DIRAS1: variants seen among roughly 807,000 people sequenced by gnomAD.
DIRAS1 encodes the protein DIRAS family GTPase 1.
Under a neutral mutation model 11.5 loss-of-function variants are expected in DIRAS1, and 3 were observed. The ratio of observed to expected loss-of-function variants is 0.26; its 90% CI spans 0.12 to 0.67. The LOEUF (loss-of-function observed/expected upper bound fraction) is 0.67. DIRAS1 is among the 30% of genes least tolerant of loss of function. The pLI is 0.80. For synonymous variants in DIRAS1, 128 were observed against 125.8 expected (o/e 1.02, Z -0.12); for missense variants, 212 against 285.3 (o/e 0.74, Z 1.85).
chr19:2,720,256 A>G (rs1913923382), intron 1 of DIRAS1, among the ~76,000 whole-genome samples: 1 of 152,072 alleles, frequency 6.6e-6, no homozygotes, highest in Non-Finnish European at 1.5e-5. Context: ...CCTAATGGCC[A>G]TGGGTTCTGT....
In DIRAS1 at chr19:2,717,282, G is replaced by C. The variant is rs769416277; in HGVS notation, c.525C>G (p.Leu175=). The C allele has an allele frequency of 1.9e-5, 31 of 1,612,196 alleles. No homozygotes were observed. In the South Asian group the frequency reaches 2.7e-4, roughly 14 times the overall value. Residue 175 remains leucine (L), a synonymous_variant, in exon 2 of 2, where the codon CTC becomes CTG. Coordinates refer to ENST00000323469, the MANE Select transcript of DIRAS1 (RefSeq NM_145173.4). ...TCCCGGAGCGCTTGCCGTCGATGTTGAGGCTCATGTTCCGGCGCGTCTCCA... is the reference window on the plus strand; with the variant it reads ...TCCCGGAGCGCTTGCCGTCGATGTTCAGGCTCATGTTCCGGCGCGTCTCCA... ...LTLETRRNMS[L]NIDGKRSGKQ...
At chr19:2,719,627 G>T (rs1358039426) in intron 1 of DIRAS1, among the ~76,000 whole-genome samples, 2 of 151,846 alleles carry the variant, frequency 1.3e-5, no homozygotes, top group African/African-American at 4.8e-5. Context: ...GTGGTCTACA[G>T]TGGGAGAGGA....
chr19:2,719,246 C>G (rs1913897797), intron 1 of DIRAS1: 1 of 152,190 alleles, frequency 6.6e-6, no homozygotes, highest in Admixed American at 6.5e-5. Context: ...GAGGAAGGGT[C>G]TTGCAGCCCA....
At position 2,717,801 on chromosome 19, in the gene DIRAS1, C is replaced by A. The variant is rs754920219; in HGVS notation, c.6G>T (p.Pro2=). 1.9e-6 allele frequency: 3 copies of A among 1,591,854 alleles called. No individual in the cohort carries two copies. The South Asian group carries it at 3.3e-5, about 18-fold the overall frequency. ...CCACGCGGTAATCGTTACTCTGTTCCGGCATCTTCCCCGCGGCGGGTGGGC... is the reference window on the plus strand; with the variant it reads ...CCACGCGGTAATCGTTACTCTGTTCAGGCATCTTCCCCGCGGCGGGTGGGC... M[P]EQSNDYRVVV... Residue 2 remains proline, a synonymous_variant, in exon 2 of 2, where the codon CCG becomes CCT. Transcript: ENST00000323469.
chr19:2,717,898 C>T (rs189208484), intron 1 of DIRAS1, 23 bp from the exon 2 acceptor site: 9 of 1,318,596 alleles, frequency 6.8e-6, no homozygotes, highest in East Asian at 5.0e-5. Flanking sequence ...GAGGGTCACA[C>T]GTCAAAGGCC....
rs2144682128 is a variant in DIRAS1 at position 2,718,616 on chromosome 19, C to G, written c.-69-741G>C. On this transcript the variant is annotated intron_variant, in intron 1 of 1. Transcript: ENST00000323469. The surrounding 1 kb of genome is among the most constrained non-coding windows in gnomAD (Gnocchi z 4.2). ...TCTTGGCTCGCCGCAACCTCCACCT[C>G]CCGGGTTCAAGCTATTCTCTTGCCT... Among the ~76,000 whole-genome samples the G allele has an allele frequency of 6.6e-6, 1 of 152,348 alleles. No homozygotes were observed. The highest frequency in any genetic ancestry group is 2.4e-5 in the African/African-American group (1 of 41,574).
At position 2,717,689 on chromosome 19, in the gene DIRAS1, T is replaced by C. The variant is rs1913856113; in HGVS notation, c.118A>G (p.Ile40Val). Reference protein sequence around the residue: ...GTFRDTYIPTIEDTYRQVISC... With the variant: ...GTFRDTYIPTVEDTYRQVISC... The stretch of plus-strand genomic sequence containing the variant: ...ATCACCTGCCGGTAGGTGTCCTCGA[T>C]GGTGGGGATGTAGGTGTCGCGGAAC... Residue 40 changes from isoleucine to valine, a missense_variant, in exon 2 of 2, where the codon ATC becomes GTC. Transcript: ENST00000323469. The C allele has an allele frequency of 6.2e-7, 1 of 1,611,822 alleles. No homozygotes were observed. The highest frequency in any genetic ancestry group is 1.7e-5 in the Admixed American group (1 of 60,006).
Position 2,717,940 on chromosome 19 carries a change from G to A in DIRAS1, c.-69-65C>T, listed in dbSNP as rs1599476756. 1.7e-5 allele frequency: 16 copies of A among 924,494 alleles called. No homozygotes were observed. In the South Asian group the frequency reaches 2.1e-4, roughly 12 times the overall value. 57.3% of individuals were successfully genotyped at this position (924,494 alleles called of 1,614,324 possible). ...GCTTGAGGGGACAGCCCCACGCCCC[G>A]GGGAGGGAGGAGGACATGGCGGCTT... On this transcript the variant is annotated intron_variant, in intron 1 of 1. Coordinates refer to ENST00000323469, the MANE Select transcript of DIRAS1 (RefSeq NM_145173.4).
rs1913771613 is a variant in DIRAS1 at position 2,715,667 on chromosome 19, G to T, written c.*1543C>A. 1 of 152,202 alleles carries T rather than the reference G, an allele frequency of 6.6e-6. No individual in the cohort carries two copies. Among genetic ancestry groups the T allele is most frequent in the African/African-American group, 2.4e-5 (1 of 41,438 alleles). The allele number at this position is 152,202 out of a possible 1,614,324, so 9.4% of individuals were successfully genotyped here. A position where few individuals can be genotyped will look rare whatever the true frequency, so the allele number is the denominator to read the frequency against. ...AGATAATAAGCATGTGTTGTTTCTG[G>T]TTGCTACATTTGTGGTCATTTGTTA... On this transcript the variant is annotated 3_prime_UTR_variant, in exon 2 of 2. Transcript: ENST00000323469.
intron 1 of DIRAS1, among the ~76,000 whole-genome samples, chr19:2,719,928 A>C (rs1334808614): frequency 6.6e-6 from 1 of 152,164 alleles, no homozygotes; most frequent in Non-Finnish European, 1.5e-5. Context: ...GTTGGTTGCA[A>C]AGGCACCTTC....
At chr19:2,720,071 C>CT (rs1913919206) in intron 1 of DIRAS1, among the ~76,000 whole-genome samples, 2 of 151,960 alleles carry the variant, frequency 1.3e-5, no homozygotes, top group Admixed American at 6.6e-5. Context: ...ATGTGATTGG[C>CT]TGCCGGGTTT....
intron 1 of DIRAS1, among the ~76,000 whole-genome samples, chr19:2,720,384 C>T (rs995703897): frequency 6.6e-6 from 1 of 152,238 alleles, no homozygotes; most frequent in East Asian, 1.9e-4. Context: ...CACTCAACAG[C>T]CCCGAAGCCC....
chr19:2,717,829 C>T lies in DIRAS1; in HGVS notation c.-23G>A. On this transcript the variant is annotated 5_prime_UTR_variant, in exon 2 of 2. Coordinates refer to ENST00000323469, the MANE Select transcript of DIRAS1 (RefSeq NM_145173.4). ...CATCTTCCCCGCGGCGGGTGGGCGG[C>T]CGGGGCCGGGAGGGCTGGTGCCAGC... 2 of 1,569,698 alleles carry T rather than the reference C, an allele frequency of 1.3e-6. No homozygotes were observed. The highest frequency in any genetic ancestry group is 1.1e-5 in the South Asian group (1 of 87,798).
In DIRAS1 at chr19:2,717,412, G is replaced by T; in HGVS notation, c.395C>A (p.Thr132Lys). The T allele has an allele frequency of 1.9e-6, 3 of 1,607,882 alleles. No homozygotes were observed. The highest frequency in any genetic ancestry group is 8.5e-7 in the Non-Finnish European group (1 of 1,179,984). Residue 132 changes from threonine (T) to lysine (K), a missense_variant, in exon 2 of 2, where the codon ACG becomes AAG. Thr to Lys is a moderately conservative substitution (Grantham distance 78). Transcript: ENST00000323469. ...KCDETQREVD[T>K]REAQAVAQEW... ...CTGGGCCACCGCCTGCGCCTCGCGC[G>T]TGTCCACCTCCCGCTGCGTCTCATC...
intron 1 of DIRAS1, among the ~76,000 whole-genome samples, chr19:2,720,745 G>A (rs1284799091): frequency 2.0e-5 from 3 of 152,174 alleles, no homozygotes; most frequent in Non-Finnish European, 4.4e-5. Context: ...GGTCACGCCT[G>A]ACCAAGGGTG....
chr19:2,720,770 C>T (rs940657103), intron 1 of DIRAS1, among the ~76,000 whole-genome samples: 3 of 151,722 alleles, frequency 2.0e-5, no homozygotes, highest in African/African-American at 7.3e-5. Flanking sequence ...GGGGGTCTGA[C>T]CCAGGGCCGC....
Position 2,719,850 on chromosome 19 carries a change from C to A in DIRAS1, c.-70+1454G>T, listed in dbSNP as rs1167365895. 2.6e-5 allele frequency among the ~76,000 whole-genome samples: 4 copies of A among 152,202 alleles called. No individual in the cohort carries two copies. In the South Asian group the frequency reaches 6.2e-4, roughly 24 times the overall value. On this transcript the variant is annotated intron_variant, in intron 1 of 1. Transcript: ENST00000323469. ...TAGGCAGTGCCCTGTACAGCGGAGA[C>A]CCCGATCACAATTGTGATCACAGTC...
rs933259448 is a variant in DIRAS1 at position 2,717,105 on chromosome 19, C to T, written c.*105G>A. On this transcript the variant is annotated 3_prime_UTR_variant, in exon 2 of 2. Transcript: ENST00000323469. Reference sequence around the variant, plus strand: ...GCCTCGGTTTCCCCAGCCGAGGTGTCGGAGGAAGGATGAGAGAAGAGGAGG... The same window carrying T: ...GCCTCGGTTTCCCCAGCCGAGGTGTTGGAGGAAGGATGAGAGAAGAGGAGG... 52 of 1,243,032 alleles carry T rather than the reference C, an allele frequency of 4.2e-5. No individual in the cohort carries two copies. The highest frequency in any genetic ancestry group is 5.3e-5 in the Non-Finnish European group (48 of 913,548). 77.0% of individuals were successfully genotyped at this position (1,243,032 alleles called of 1,614,324 possible).
At position 2,717,462 on chromosome 19, in the gene DIRAS1, G is replaced by C. The variant is rs151333829; in HGVS notation, c.345C>G (p.Pro115=). The C allele has an allele frequency of 6.2e-7, 1 of 1,610,972 alleles. No homozygotes were observed. The highest frequency in any genetic ancestry group is 1.6e-4 in the Middle Eastern group (1 of 6,062). The part of the protein sequence containing the change: ...VQIKGSVEDI[P]VMLVGNKCDE... ...CGCACTTGTTGCCCACGAGCATCAC[G>C]GGGATGTCCTCCACGCTGCCCTTGA... The change falls in exon 2 of 2, where the codon CCC becomes CCG. Residue 115 remains proline, a synonymous_variant. Coordinates refer to ENST00000323469, the MANE Select transcript of DIRAS1 (RefSeq NM_145173.4).
Sources: allele counts gnomAD v4.1 joint callset (sites outside exome capture counted in the v4.1 genomes callset), GRCh38; gene constraint gnomAD v4.1.1; non-coding constraint Gnocchi (gnomAD v3.1); transcripts MANE v1.5; gene names NCBI Gene and HGNC (gene_info 2026-07-23, HGNC 2026-07-21).